The following GRM5 variants were observed in gnomAD, a reference collection of about 807,000 sequenced individuals.
The protein encoded by GRM5 is metabotropic glutamate receptor 5.
In GRM5, 19 loss-of-function variants were observed where a neutral mutation model predicts 83.1. That is an observed-to-expected ratio of 0.23 (90% confidence interval 0.16 to 0.34). The LOEUF (loss-of-function observed/expected upper bound fraction) is 0.34, where lower values mean the gene tolerates loss of function less well. Ranked by LOEUF, GRM5 falls within the 10% of genes least tolerant of loss-of-function variation. GRM5 has a pLI of 1.00. For missense variants in GRM5, 1,160 were observed against 1,588.3 expected (o/e 0.73, Z 4.58); for synonymous variants, 675 against 633.6 (o/e 1.07, Z -0.98).
intron 7 of GRM5, among the ~76,000 whole-genome samples, chr11:88,587,381 G>A (rs969406262): frequency 3.9e-5 from 6 of 152,108 alleles, no homozygotes; most frequent in African/African-American, 1.2e-4. Flanking sequence ...CTGTGTGGAT[G>A]AGAATTATCA....
At chr11:89,027,483 G>C (rs1941153967) in intron 2 of GRM5, among the ~76,000 whole-genome samples, 1 of 152,172 alleles carries the variant, frequency 6.6e-6, no homozygotes, top group South Asian at 2.1e-4. Context: ...AAACAAGGAA[G>C]ACTAGGAAGT....
At chr11:88,917,569 A>C (rs630573) in intron 2 of GRM5, among the ~76,000 whole-genome samples, 74,385 of 151,910 alleles carry the variant, frequency 0.49, 19,403 homozygotes, top group South Asian at 0.65. Context: ...TTTTGAAGAA[A>C]CGCAATGAAA....
chr11:88,658,661 C>G lies in GRM5; in HGVS notation c.912-5258G>C, dbSNP rs562714073. Among the ~76,000 whole-genome samples, 46 of 152,252 alleles carry G rather than the reference C, an allele frequency of 3.0e-4. No homozygotes were observed. In the Middle Eastern group the frequency reaches 0.01, roughly 34 times the overall value. ...CAGATCAATAAATAATTGACCAACA[C>G]TTCTTAGGGAGATAAGAGTTGAACT... On this transcript the variant is annotated intron_variant, in intron 3 of 9. Coordinates refer to ENST00000305447, the MANE Select transcript of GRM5 (RefSeq NM_001143831.3).
In GRM5 at chr11:88,938,552, AT is replaced by A. The variant is rs10622517; in HGVS notation, c.662-88398del. Among the ~76,000 whole-genome samples, 734 of 147,860 alleles carry A rather than the reference AT, an allele frequency of 5.0e-3. 6 individuals are homozygous for A. Among genetic ancestry groups the A allele is most frequent in the African/African-American group, 0.017 (706 of 40,660 alleles). ...CAATATTTTTATGAGGTATTACTTC[AT>A]TTTTTTTTTTTAAAGAAGAAGGTAC... On this transcript the variant is annotated intron_variant, in intron 2 of 9. Coordinates refer to ENST00000305447, the MANE Select transcript of GRM5 (RefSeq NM_001143831.3).
chr11:88,855,138 A>C (rs1944452070), intron 2 of GRM5, among the ~76,000 whole-genome samples: 1 of 151,874 alleles, frequency 6.6e-6, no homozygotes, highest in African/African-American at 2.4e-5. Context: ...GTAAAGATAC[A>C]AGTAATTTTG....
At chr11:88,981,738 C>T (rs566767358) in intron 2 of GRM5, among the ~76,000 whole-genome samples, 33 of 152,266 alleles carry the variant, frequency 2.2e-4, no homozygotes, top group African/African-American at 6.3e-4. Flanking sequence ...AACTGAAGTT[C>T]GTATCTCAGC....
intron 3 of GRM5, among the ~76,000 whole-genome samples, chr11:88,747,552 C>G (rs1942169544): frequency 6.6e-6 from 1 of 152,084 alleles, no homozygotes; most frequent in East Asian, 1.9e-4. Context: ...GTAAGGACTA[C>G]AAAGTGATTT....
chr11:88,599,707 T>G (rs1052521678), intron 5 of GRM5, among the ~76,000 whole-genome samples: 1 of 152,178 alleles, frequency 6.6e-6, no homozygotes, highest in African/African-American at 2.4e-5. Context: ...AAGACTGTAT[T>G]TTGTTTTCCA....
At chr11:89,008,925 T>C in intron 2 of GRM5, 1 of 531,780 alleles carries the variant, frequency 1.9e-6, no homozygotes, top group Non-Finnish European at 3.4e-6. Flanking sequence ...GTTTGTTTCT[T>C]AATTAAGGGC....
At chr11:88,651,205 A>T (rs1284008366) in intron 4 of GRM5, among the ~76,000 whole-genome samples, 1 of 152,058 alleles carries the variant, frequency 6.6e-6, no homozygotes, top group African/African-American at 2.4e-5. Flanking sequence ...GGCTGTATTT[A>T]AGCAGGACTT....
chr11:89,004,362 A>G (rs1336387503), intron 2 of GRM5, among the ~76,000 whole-genome samples: 1 of 152,194 alleles, frequency 6.6e-6, no homozygotes, highest in Non-Finnish European at 1.5e-5. Context: ...TCTAATATTG[A>G]CATTTATATG....
chr11:88,833,999 G>A (rs1377545468), intron 3 of GRM5, among the ~76,000 whole-genome samples: 1 of 152,110 alleles, frequency 6.6e-6, no homozygotes, highest in African/African-American at 2.4e-5. Flanking sequence ...GTTGGTTAAT[G>A]GGTAAAAACA....
intron 3 of GRM5, among the ~76,000 whole-genome samples, chr11:88,742,013 T>C (rs1942040187): frequency 6.6e-6 from 1 of 151,860 alleles, no homozygotes; most frequent in Non-Finnish European, 1.5e-5. Context: ...CCCACTGCCA[T>C]CTGATTACCA....
At chr11:88,535,556 G>A (rs1019797639) in intron 8 of GRM5, among the ~76,000 whole-genome samples, 2 of 152,150 alleles carry the variant, frequency 1.3e-5, no homozygotes, top group African/African-American at 4.8e-5. Flanking sequence ...AGCCTTTTTA[G>A]TGTCAGAAAT....
intron 2 of GRM5, among the ~76,000 whole-genome samples, chr11:88,882,905 C>T (rs1944983671): frequency 6.6e-6 from 1 of 152,080 alleles, no homozygotes; most frequent in Non-Finnish European, 1.5e-5. Flanking sequence ...GAATAAGTCT[C>T]ACAAGATCTG....
intron 2 of GRM5, among the ~76,000 whole-genome samples, chr11:88,866,138 G>T (rs1332328317): frequency 5.9e-5 from 9 of 152,110 alleles, no homozygotes; most frequent in South Asian, 2.1e-4. Context: ...CAATATCAAA[G>T]ACTTGGAACC....
intron 3 of GRM5, among the ~76,000 whole-genome samples, chr11:88,698,621 C>T (rs944013854): frequency 9.2e-5 from 14 of 152,148 alleles, no homozygotes; most frequent in African/African-American, 3.4e-4. Flanking sequence ...CTGCCACCAT[C>T]AAAGGGTCTG....
chr11:88,653,308 C>G lies in GRM5; in HGVS notation c.1007G>C (p.Trp336Ser). 6.2e-7 allele frequency: 1 copy of G among 1,613,006 alleles called. No homozygotes were observed. The highest frequency in any genetic ancestry group is 8.5e-7 in the Non-Finnish European group (1 of 1,179,268). The change falls in exon 4 of 10, where the codon TGG (tryptophan) becomes TCG (serine). Residue 336 changes from tryptophan (W) to serine (S), a missense_variant. This residue lies in a region of GRM5 where 132 missense variants were observed against 197.6 expected (regional missense o/e 0.67). Transcript: ENST00000305447. ...GAGCTTCAGATAATAATCATCAAAC[C>G]ACTTGACATCGGGAGATTGGAGCTT... is the stretch of plus-strand genomic sequence containing the variant. ...TIKLQSPDVK[W>S]FDDYYLKLRP...
intron 2 of GRM5, among the ~76,000 whole-genome samples, chr11:88,863,508 G>A (rs1014509845): frequency 9.9e-5 from 15 of 152,018 alleles, no homozygotes; most frequent in African/African-American, 3.4e-4. Flanking sequence ...AATGAATTGG[G>A]AAACAGAAAA....
Sources: gnomAD v4.1 joint callset for allele counts (sites outside exome capture counted in the v4.1 genomes callset) on GRCh38, gnomAD v4.1.1 for gene constraint, gnomAD v4.1.1 regional missense constraint, MANE v1.5 for transcripts, NCBI Gene and HGNC (gene_info 2026-07-23, HGNC 2026-07-21) for gene names.